Variants in TSPAN31 observed in about 807,000 individuals in gnomAD.
The protein encoded by TSPAN31 is tetraspanin-31.
TSPAN31 carries 16 observed loss-of-function variants against 24.8 expected under a neutral mutation model. That is an observed-to-expected ratio of 0.64 (90% CI 0.44 to 0.98). The LOEUF is 0.98. TSPAN31 is among the 50% of genes least tolerant of loss of function. TSPAN31 has a pLI of 0.00. For synonymous variants in TSPAN31, 87 were observed against 91.4 expected (o/e 0.95, Z 0.27); for missense variants, 209 against 251.6 (o/e 0.83, Z 1.15).
chr12:57,747,747 CT>C lies in TSPAN31; in HGVS notation c.*470del, dbSNP rs146863045. On this transcript the variant is annotated 3_prime_UTR_variant, in exon 6 of 6. Coordinates refer to ENST00000257910, the MANE Select transcript of TSPAN31 (RefSeq NM_005981.5). Reference sequence around the variant, plus strand: ...TAAAAGCCATTTAAAAATCTATATTCTTTTTTTTTTTTTGACACAGAGTCTT... The same window carrying C: ...TAAAAGCCATTTAAAAATCTATATTCTTTTTTTTTTTTGACACAGAGTCTT... 0.033 allele frequency: 4,984 copies of C among 150,656 alleles called. 78 individuals are homozygous for C. The highest frequency in any genetic ancestry group is 0.051 in the Non-Finnish European group (3,521 of 68,890). The allele number at this position is 150,656 out of a possible 1,614,324, so 9.3% of individuals were successfully genotyped here.
At chr12:57,746,483 C>G in intron 3 of TSPAN31, 106 bp from the exon 4 acceptor site, 1 of 1,397,126 alleles carries the variant, frequency 7.2e-7, no homozygotes, top group East Asian at 2.3e-5. Context: ...TGTTGCACAC[C>G]GTTATGCTTC....
intron 1 of TSPAN31, 145 bp from the exon 2 acceptor site, chr12:57,745,590 GGGATGCTCCC>G (rs1955137324): frequency 1.1e-6 from 1 of 928,180 alleles, no homozygotes; most frequent in Non-Finnish European, 1.6e-6. Context: ...GGAGTGCCTA[GGGATGCTCCC>G]GGTGCGGATA....
chr12:57,747,255 A>G lies in TSPAN31; in HGVS notation c.598A>G (p.Lys200Glu). ...VWLAMRFRNQ[K>E]DPRANPSAFL ...GCTAGCAATGAGATTTCGGAATCAG[A>G]AGGATCCTAGAGCCAACCCCAGTGC... The change falls in exon 6 of 6, where the codon AAG becomes GAG. Residue 200 changes from lysine to glutamate, a missense_variant. By Grantham distance (56) the Lys-to-Glu change is moderately conservative. Transcript: ENST00000257910. 1 of 1,614,166 alleles carries G rather than the reference A, an allele frequency of 6.2e-7. No homozygotes were observed. The highest frequency in any genetic ancestry group is 8.5e-7 in the Non-Finnish European group (1 of 1,180,022).
rs535842220 is a variant in TSPAN31 at position 57,746,669 on chromosome 12, C to T, written c.393C>T (p.Gly131=). Residue 131 remains glycine, a synonymous_variant, in exon 4 of 6, where the codon GGC becomes GGT. Coordinates refer to ENST00000257910, the MANE Select transcript of TSPAN31 (RefSeq NM_005981.5). ...TGGAAAGAAGTTTTGATTGTTGTGG[C>T]TTATTCAACCTCACAACCCTGTATC... is the stretch of plus-strand genomic sequence containing the variant. The part of the protein sequence containing the change: ...DELERSFDCC[G]LFNLTTLYQQ... 2.1e-5 allele frequency: 34 copies of T among 1,614,164 alleles called. No homozygotes were observed. In the South Asian group the frequency reaches 3.0e-4, roughly 14 times the overall value.
rs1460687876 is a variant in TSPAN31, at chr12:57,747,070, A to G, written c.497A>G (p.Lys166Arg). 4 of 1,614,246 alleles carry G rather than the reference A, an allele frequency of 2.5e-6. No homozygotes were observed. The East Asian group carries it at 6.7e-5, about 27-fold the overall frequency. The stretch of plus-strand genomic sequence containing the variant: ...CAGATGTGTGGAGAAAAGTTTCTTA[A>G]GCATTCAGACGAAGCCCTGAAAATC... ...TCQMCGEKFL[K>R]HSDEALKILG... Residue 166 changes from lysine (K) to arginine (R), a missense_variant, in exon 5 of 6, where the codon AAG becomes AGG. By Grantham distance (26) the Lys-to-Arg change is conservative. Coordinates refer to ENST00000257910, the MANE Select transcript of TSPAN31 (RefSeq NM_005981.5).
At chr12:57,745,402 T>G in intron 1 of TSPAN31, 185 bp downstream of exon 1, 3 of 632,876 alleles carry the variant, frequency 4.7e-6, no homozygotes. Flanking sequence ...TTAAGGGGGT[T>G]TGTCTGAGGG....
chr12:57,749,994 T>TA lies in TSPAN31; in HGVS notation c.*2717dup, dbSNP rs1283941524. The TA allele has an allele frequency of 2.2e-3, 284 of 128,678 alleles. No individual in the cohort carries two copies. The highest frequency in any genetic ancestry group is 7.8e-3 in the South Asian group (38 of 4,858). 8.0% of individuals were successfully genotyped at this position (128,678 alleles called of 1,614,324 possible). A position where few individuals can be genotyped will look rare whatever the true frequency, so the allele number is the denominator to read the frequency against. ...CCTGGCGACAGAGCAAGACTCCATC[T>TA]AAAAAAAAAAAAAGCCAGTCATGGT... On this transcript the variant is annotated 3_prime_UTR_variant, in exon 6 of 6. Coordinates refer to ENST00000257910, the MANE Select transcript of TSPAN31 (RefSeq NM_005981.5).
rs1222276888 is a variant in TSPAN31, at chr12:57,746,584, T to C, written c.313-5T>C. ...ACTTAATTTCCCTCTACCCATATCTTTCAGACAGATGTCATCAATGCTTCT... is the reference window on the plus strand; with the variant it reads ...ACTTAATTTCCCTCTACCCATATCTCTCAGACAGATGTCATCAATGCTTCT... On this transcript the variant is annotated splice_polypyrimidine_tract_variant and splice_region_variant and intron_variant, in intron 3 of 5. Transcript: ENST00000257910. 6.2e-7 allele frequency: 1 copy of C among 1,614,144 alleles called. No homozygotes were observed. Among genetic ancestry groups the C allele is most frequent in the Non-Finnish European group, 8.5e-7 (1 of 1,180,016 alleles).
rs143670820 is a variant in TSPAN31, at chr12:57,749,249, G to A, written c.*1959G>A. The stretch of plus-strand genomic sequence containing the variant: ...CGACTGCACTGGGCGGGGCCCTCTG[G>A]GGGGAAAGGCTCCACGGGGCAGGGA... On this transcript the variant is annotated 3_prime_UTR_variant, in exon 6 of 6. Coordinates refer to ENST00000257910, the MANE Select transcript of TSPAN31 (RefSeq NM_005981.5). 9 of 1,614,106 alleles carry A rather than the reference G, an allele frequency of 5.6e-6. No individual in the cohort carries two copies. The highest frequency in any genetic ancestry group is 1.7e-5 in the Admixed American group (1 of 60,016).
In TSPAN31 at chr12:57,750,057, G is replaced by A. The variant is rs1280312120; in HGVS notation, c.*2767G>A. ...TAGTCTCAGCTACTCAAGAGGCTGA[G>A]ATGGGAGGATTGCTTTAGCCCAGGA... On this transcript the variant is annotated 3_prime_UTR_variant, in exon 6 of 6. Coordinates refer to ENST00000257910, the MANE Select transcript of TSPAN31 (RefSeq NM_005981.5). 6.2e-6 allele frequency: 1 copy of A among 160,220 alleles called. No homozygotes were observed. The highest frequency in any genetic ancestry group is 1.4e-5 in the Non-Finnish European group (1 of 73,044). The allele number at this position is 160,220 out of a possible 1,614,324, so 9.9% of individuals were successfully genotyped here. A position where few individuals can be genotyped will look rare whatever the true frequency, so the allele number is the denominator to read the frequency against.
At chr12:57,745,520 TG>T in intron 1 of TSPAN31, 1 of 620,616 alleles carries the variant, frequency 1.6e-6, no homozygotes, top group Non-Finnish European at 2.8e-6. Context: ...GTTCATCTTT[TG>T]CATTCATACT....
At chr12:57,746,427 A>G in intron 3 of TSPAN31, 162 bp from the exon 4 acceptor site, 2 of 1,157,438 alleles carry the variant, frequency 1.7e-6, no homozygotes, top group East Asian at 2.4e-5. Flanking sequence ...TTCCATGAGG[A>G]TGATCTAGAG....
rs1228098957 is a variant in TSPAN31 at position 57,749,881 on chromosome 12, C to T, written c.*2591C>T. On this transcript the variant is annotated 3_prime_UTR_variant, in exon 6 of 6. Transcript: ENST00000257910. ...GCATGGTGGCGTGCACCTGTGGTCC[C>T]AGCTACTTGGGAGGCTGAGTCAAGA... is the stretch of plus-strand genomic sequence containing the variant. 6.6e-6 allele frequency: 2 copies of T among 302,322 alleles called. No homozygotes were observed. The highest frequency in any genetic ancestry group is 4.4e-5 in the African/African-American group (2 of 45,540). The allele number at this position is 302,322 out of a possible 1,614,324, so 18.7% of individuals were successfully genotyped here.
rs140233512 is a variant in TSPAN31 at position 57,750,153 on chromosome 12, C to CAATAAATAAATA, written c.*2898_*2909dup. The CAATAAATAAATA allele has an allele frequency of 8.6e-4, 122 of 142,116 alleles. 1 individual carries two copies. Among genetic ancestry groups the CAATAAATAAATA allele is most frequent in the African/African-American group, 2.9e-3 (111 of 38,192 alleles). The allele number at this position is 142,116 out of a possible 1,614,324, so 8.8% of individuals were successfully genotyped here. A position where few individuals can be genotyped will look rare whatever the true frequency, so the allele number is the denominator to read the frequency against. ...TGGGTGACAGAGTGAAACCTTATCT[C>CAATAAATAAATA]AATAAATAAATAAATAAATAAATAA... On this transcript the variant is annotated 3_prime_UTR_variant, in exon 6 of 6. Coordinates refer to ENST00000257910, the MANE Select transcript of TSPAN31 (RefSeq NM_005981.5).
In TSPAN31 at chr12:57,749,040, T is replaced by C; in HGVS notation, c.*1750T>C. ...TCTCTTCTATATCCTTCTCTGTGGG[T>C]GGCTATTTGCAGCTGTAATAAAAAC... is the stretch of plus-strand genomic sequence containing the variant. On this transcript the variant is annotated 3_prime_UTR_variant, in exon 6 of 6. Coordinates refer to ENST00000257910, the MANE Select transcript of TSPAN31 (RefSeq NM_005981.5). The C allele has an allele frequency of 9.6e-7, 1 of 1,040,400 alleles. No individual in the cohort carries two copies. The highest frequency in any genetic ancestry group is 1.3e-5 in the South Asian group (1 of 74,932). The allele number at this position is 1,040,400 out of a possible 1,614,324, so 64.4% of individuals were successfully genotyped here.
chr12:57,746,101 C>G, intron 2 of TSPAN31, 75 bp from the exon 3 acceptor site: 3 of 1,468,730 alleles, frequency 2.0e-6, no homozygotes, highest in Non-Finnish European at 2.8e-6. Flanking sequence ...GTTCTATGAA[C>G]AGATGAGACC....
At position 57,749,224 on chromosome 12, in the gene TSPAN31, C is replaced by T. The variant is rs3211622; in HGVS notation, c.*1934C>T. On this transcript the variant is annotated 3_prime_UTR_variant, in exon 6 of 6. Transcript: ENST00000257910. ...CCGACTCCTCCATCTCAGGTACCACCGACTGCACTGGGCGGGGCCCTCTGG... is the reference window on the plus strand; with the variant it reads ...CCGACTCCTCCATCTCAGGTACCACTGACTGCACTGGGCGGGGCCCTCTGG... 22 of 1,613,926 alleles carry T rather than the reference C, an allele frequency of 1.4e-5. No homozygotes were observed. The highest frequency in any genetic ancestry group is 4.0e-5 in the African/African-American group (3 of 74,942).
In TSPAN31 at chr12:57,748,918, C is replaced by T. The variant is rs1955194566; in HGVS notation, c.*1628C>T. The T allele has an allele frequency of 1.8e-6, 1 of 558,816 alleles. No individual in the cohort carries two copies. Among genetic ancestry groups the T allele is most frequent in the Non-Finnish European group, 3.2e-6 (1 of 313,216 alleles). The allele number at this position is 558,816 out of a possible 1,614,324, so 34.6% of individuals were successfully genotyped here. A position where few individuals can be genotyped will look rare whatever the true frequency, so the allele number is the denominator to read the frequency against. ...ACGAGGTTTCACCATGTTGGCCAGG[C>T]TGGTCTCGAACTCCTGACCTCAGGT... is the stretch of plus-strand genomic sequence containing the variant. On this transcript the variant is annotated 3_prime_UTR_variant, in exon 6 of 6. Coordinates refer to ENST00000257910, the MANE Select transcript of TSPAN31 (RefSeq NM_005981.5).
chr12:57,749,004 C>T lies in TSPAN31; in HGVS notation c.*1714C>T, dbSNP rs1595108428. Reference sequence around the variant, plus strand: ...TACAGGCGTGAGCCACCGTGCCCAGCCAGGATGGGTTCTCTTCTATATCCT... The same window carrying T: ...TACAGGCGTGAGCCACCGTGCCCAGTCAGGATGGGTTCTCTTCTATATCCT... On this transcript the variant is annotated 3_prime_UTR_variant, in exon 6 of 6. Coordinates refer to ENST00000257910, the MANE Select transcript of TSPAN31 (RefSeq NM_005981.5). 7.2e-6 allele frequency: 6 copies of T among 828,982 alleles called. No individual in the cohort carries two copies. Among genetic ancestry groups the T allele is most frequent in the African/African-American group, 5.2e-5 (3 of 58,250 alleles). 51.4% of individuals were successfully genotyped at this position (828,982 alleles called of 1,614,324 possible). A position where few individuals can be genotyped will look rare whatever the true frequency, so the allele number is the denominator to read the frequency against.
Sources: allele counts gnomAD v4.1 joint callset, GRCh38; gene constraint gnomAD v4.1.1; transcripts MANE v1.5; gene names NCBI Gene and HGNC (gene_info 2026-07-23, HGNC 2026-07-21).